GPC5: variants seen among roughly 807,000 people sequenced by gnomAD.
GPC5 encodes the protein glypican-5.
In GPC5, 47 loss-of-function variants were observed where a neutral mutation model predicts 53.9. The ratio of observed to expected loss-of-function variants is 0.87; its 90% CI spans 0.69 to 1.11. The LOEUF is 1.11. Ranked by LOEUF, GPC5 falls within the 50% of genes most tolerant of loss-of-function variation. GPC5 has a pLI of 0.00. For synonymous variants in GPC5, 286 were observed against 263.3 expected, an observed-to-expected ratio of 1.09 and a Z score of -0.84; for missense variants, 748 against 713.1, an observed-to-expected ratio of 1.05 and a Z score of -0.56.
chr13:92,338,729 G>T (rs2043342576), intron 7 of GPC5, among the ~76,000 whole-genome samples: 2 of 152,080 alleles, frequency 1.3e-5, no homozygotes, highest in African/African-American at 4.8e-5. Flanking sequence ...GGTTGCTAGA[G>T]GTTGGGGAGC....
At chr13:91,648,919 C>T (rs1472390282) in intron 2 of GPC5, among the ~76,000 whole-genome samples, 2 of 152,104 alleles carry the variant, frequency 1.3e-5, no homozygotes, top group African/African-American at 4.8e-5. Context: ...GCTGTGTCCC[C>T]ACCCAAATCT....
intron 7 of GPC5, among the ~76,000 whole-genome samples, chr13:92,428,799 C>T (rs555751770): frequency 6.6e-6 from 1 of 152,014 alleles, no homozygotes; most frequent in Non-Finnish European, 1.5e-5. Flanking sequence ...ACTAATCAAT[C>T]GTACTGATTC....
chr13:92,668,921 C>A (rs540314030), intron 7 of GPC5, among the ~76,000 whole-genome samples: 1 of 151,942 alleles, frequency 6.6e-6, no homozygotes, highest in Non-Finnish European at 1.5e-5. Flanking sequence ...TCAATAATTG[C>A]TTATAGTGTA....
intron 7 of GPC5, among the ~76,000 whole-genome samples, chr13:92,592,246 A>G (rs1883735482): frequency 6.6e-6 from 1 of 152,228 alleles, no homozygotes; most frequent in Non-Finnish European, 1.5e-5. Flanking sequence ...GTTCTAGAAT[A>G]GAGCCCATAA....
At chr13:92,865,141 T>C (rs1394133730) in intron 7 of GPC5, among the ~76,000 whole-genome samples, 2 of 152,124 alleles carry the variant, frequency 1.3e-5, no homozygotes, top group African/African-American at 2.4e-5. Flanking sequence ...ACCCAGTTAA[T>C]TAAGGGGATA....
At chr13:91,887,584 C>T (rs1283230445) in intron 5 of GPC5, among the ~76,000 whole-genome samples, 2 of 151,738 alleles carry the variant, frequency 1.3e-5, no homozygotes. Context: ...TCTGCTTCCT[C>T]TTGAACACTT....
intron 7 of GPC5, among the ~76,000 whole-genome samples, chr13:92,306,868 C>G (rs1179770928): frequency 6.6e-6 from 1 of 152,168 alleles, no homozygotes; most frequent in African/African-American, 2.4e-5. Context: ...GGCACTGAGT[C>G]TAAGACCTCC....
At chr13:91,806,865 T>G (rs2038230256) in intron 5 of GPC5, among the ~76,000 whole-genome samples, 1 of 152,206 alleles carries the variant, frequency 6.6e-6, no homozygotes. Flanking sequence ...AACTCATTCA[T>G]TTAAAAACAT....
intron 1 of GPC5, among the ~76,000 whole-genome samples, chr13:91,426,659 C>A (rs1212048264): frequency 6.6e-6 from 1 of 152,162 alleles, no homozygotes; most frequent in Non-Finnish European, 1.5e-5. Flanking sequence ...GGGCAGGAAG[C>A]ATCCATCATG....
intron 2 of GPC5, among the ~76,000 whole-genome samples, chr13:91,614,010 G>A (rs560334328): frequency 6.6e-6 from 1 of 152,342 alleles, no homozygotes; most frequent in South Asian, 2.1e-4. Flanking sequence ...ACTTCGAACA[G>A]AGTGAGTGGA....
chr13:92,170,651 G>A (rs1450820155), intron 7 of GPC5, among the ~76,000 whole-genome samples: 5 of 151,668 alleles, frequency 3.3e-5, no homozygotes, highest in African/African-American at 7.3e-5. Flanking sequence ...TTTTGAACTC[G>A]TGACCTCAGG....
At position 92,866,832 on chromosome 13, in the gene GPC5, T is replaced by A. The variant is rs1040882389; in HGVS notation, c.*393T>A. The A allele has an allele frequency of 6.5e-6, 1 of 154,564 alleles. No homozygotes were observed. The highest frequency in any genetic ancestry group is 2.4e-5 in the African/African-American group (1 of 41,536). 9.6% of individuals were successfully genotyped at this position (154,564 alleles called of 1,614,324 possible). ...TATTTGCCAGACAATGAAAACAGTA[T>A]GCAGTATTTCTTAAAGTATTGAAAT... On this transcript the variant is annotated 3_prime_UTR_variant, in exon 8 of 8. Transcript: ENST00000377067.
chr13:92,345,884 A>T (rs2043407372), intron 7 of GPC5, among the ~76,000 whole-genome samples: 1 of 152,190 alleles, frequency 6.6e-6, no homozygotes, highest in Non-Finnish European at 1.5e-5. Flanking sequence ...CAGCCTACAG[A>T]TCTCGCTGGT....
chr13:92,464,132 A>G (rs1039718974), intron 7 of GPC5, among the ~76,000 whole-genome samples: 3 of 152,218 alleles, frequency 2.0e-5, no homozygotes, highest in Admixed American at 6.5e-5. Context: ...TCAAAGTTAT[A>G]CAATTTATCA....
intron 7 of GPC5, among the ~76,000 whole-genome samples, chr13:92,719,301 GA>G (rs768220513): frequency 2.0e-5 from 3 of 150,988 alleles, no homozygotes; most frequent in African/African-American, 7.3e-5. Flanking sequence ...GTTCTAATAG[GA>G]AAAAAAATAC....
chr13:92,708,656 G>A (rs1484785770), intron 7 of GPC5, among the ~76,000 whole-genome samples: 1 of 151,966 alleles, frequency 6.6e-6, no homozygotes, highest in Non-Finnish European at 1.5e-5. Flanking sequence ...GTTAGAAAAA[G>A]TTGTGGAGCA....
intron 7 of GPC5, among the ~76,000 whole-genome samples, chr13:92,415,039 G>T (rs1876225064): frequency 6.6e-6 from 1 of 152,180 alleles, no homozygotes; most frequent in Admixed American, 6.5e-5. Context: ...AAGCCCTAAG[G>T]CTGGGAGGAG....
At chr13:92,624,002 C>T (rs1257131653) in intron 7 of GPC5, among the ~76,000 whole-genome samples, 1 of 151,202 alleles carries the variant, frequency 6.6e-6, no homozygotes, top group East Asian at 1.9e-4. Flanking sequence ...TTACAGGTGC[C>T]TACCACCATG....
rs147732521 is a variant in GPC5, at chr13:91,896,483, C to T, written c.1281-11454C>T. Among the ~76,000 whole-genome samples, 1,118 of 152,190 alleles carry T rather than the reference C, an allele frequency of 7.3e-3. 9 individuals are homozygous for T. The highest frequency in any genetic ancestry group is 0.012 in the Non-Finnish European group (824 of 67,994). On this transcript the variant is annotated intron_variant, in intron 5 of 7. Transcript: ENST00000377067. ...CCCTTTGTAAGCTTAGTACAGATGA[C>T]TGAGGAAAGGTTCCGAAGGGATAGA...
Sources: allele counts gnomAD v4.1 joint callset (sites outside exome capture counted in the v4.1 genomes callset), GRCh38; gene constraint gnomAD v4.1.1; transcripts MANE v1.5; gene names NCBI Gene and HGNC (gene_info 2026-07-23, HGNC 2026-07-21).